Variants in TRAPPC11 observed in about 807,000 individuals in gnomAD.
TRAPPC11 encodes trafficking protein particle complex subunit 11.
In TRAPPC11, 104 loss-of-function variants were observed where a neutral mutation model predicts 151.2. The observed-to-expected ratio is 0.69, with a 90% CI of 0.59 to 0.81. The LOEUF is 0.81. Among genes scored for constraint, TRAPPC11 ranks in the 30% least tolerant of loss-of-function variants. TRAPPC11 has a pLI of 0.00. For missense variants in TRAPPC11, 1,230 were observed against 1,349.6 expected (o/e 0.91, Z 1.39); for synonymous variants, 456 against 472.3 (o/e 0.97, Z 0.45).
At chr4:183,701,510 T>C in intron 25 of TRAPPC11, 187 bp from the exon 26 acceptor site, 3 of 526,858 alleles carry the variant, frequency 5.7e-6, no homozygotes, top group Non-Finnish European at 1.0e-5. Flanking sequence ...TATTGGTACA[T>C]TAGCAAAAAC....
chr4:183,693,194 C>A lies in TRAPPC11; in HGVS notation c.2237+47C>A, dbSNP rs764508569. On this transcript the variant is annotated intron_variant, in intron 20 of 29. Transcript: ENST00000334690. ...GATATTAAAGGTCATCCTCTTATTT[C>A]TTTTGCTATTTTTTTTGGAGACAGA... The A allele has an allele frequency of 6.6e-6, 10 of 1,507,914 alleles. 1 individual carries two copies. The highest frequency in any genetic ancestry group is 6.5e-5 in the Admixed American group (3 of 46,056). The allele number at this position is 1,507,914 out of a possible 1,614,324, so 93.4% of individuals were successfully genotyped here. A position where few individuals can be genotyped will look rare whatever the true frequency, so the allele number is the denominator to read the frequency against.
Position 183,663,827 on chromosome 4 carries a change from T to C in TRAPPC11, c.-21-20T>C. 6.6e-7 allele frequency: 1 copy of C among 1,504,654 alleles called. No individual in the cohort carries two copies. The highest frequency in any genetic ancestry group is 9.2e-7 in the Non-Finnish European group (1 of 1,084,144). 93.2% of individuals were successfully genotyped at this position (1,504,654 alleles called of 1,614,324 possible). Reference sequence around the variant, plus strand: ...AGTTTTTAAAAATTAATTATGAATGTATTAACATTTGTATTTCAGGTTTTT... The same window carrying C: ...AGTTTTTAAAAATTAATTATGAATGCATTAACATTTGTATTTCAGGTTTTT... On this transcript the variant is annotated intron_variant, in intron 1 of 29. Transcript: ENST00000334690.
At chr4:183,677,266 C>T (rs1735461054) in intron 7 of TRAPPC11, among the ~76,000 whole-genome samples, 192 bp from the exon 8 acceptor site, 1 of 152,116 alleles carries the variant, frequency 6.6e-6, no homozygotes, top group Non-Finnish European at 1.5e-5. Context: ...TGGTTCTGTT[C>T]TTTATGAAAT....
At chr4:183,692,132 G>A (rs1736289796) in intron 19 of TRAPPC11, among the ~76,000 whole-genome samples, 1 of 152,080 alleles carries the variant, frequency 6.6e-6, no homozygotes, top group Non-Finnish European at 1.5e-5. Context: ...GATCATAAGA[G>A]TACTAATCTC....
intron 1 of TRAPPC11, among the ~76,000 whole-genome samples, chr4:183,661,924 G>A (rs955650592): frequency 1.3e-5 from 2 of 151,596 alleles, no homozygotes; most frequent in Admixed American, 6.6e-5. Context: ...ACCATGCCCG[G>A]CTATTTTCTT....
chr4:183,707,645 C>T (rs1367539722), intron 28 of TRAPPC11, among the ~76,000 whole-genome samples: 1 of 152,184 alleles, frequency 6.6e-6, no homozygotes, highest in African/African-American at 2.4e-5. Flanking sequence ...TCTATCCTGA[C>T]TAATTAACTG....
intron 9 of TRAPPC11, among the ~76,000 whole-genome samples, chr4:183,679,768 C>T (rs539108366): frequency 6.6e-6 from 1 of 152,210 alleles, no homozygotes; most frequent in African/African-American, 2.4e-5. Flanking sequence ...AAACAAAATT[C>T]CTGCTGTCAT....
chr4:183,667,330 G>C (rs1734934594), intron 4 of TRAPPC11, among the ~76,000 whole-genome samples, 200 bp downstream of exon 4: 1 of 152,140 alleles, frequency 6.6e-6, no homozygotes, highest in Non-Finnish European at 1.5e-5. Flanking sequence ...CAAATCTCAA[G>C]TTCCCCTAGT....
intron 7 of TRAPPC11, among the ~76,000 whole-genome samples, chr4:183,676,212 C>T (rs574931227): frequency 3.3e-5 from 5 of 151,808 alleles, no homozygotes; most frequent in Admixed American, 6.6e-5. Flanking sequence ...TGCAGTGGCG[C>T]GATCTCGGCT....
chr4:183,703,603 G>T (rs1358044962), intron 26 of TRAPPC11, among the ~76,000 whole-genome samples: 2 of 152,180 alleles, frequency 1.3e-5, no homozygotes, highest in Admixed American at 1.3e-4. Context: ...GGGCACAGTG[G>T]CTCACACCTG....
chr4:183,665,152 T>G (rs1432232003), intron 2 of TRAPPC11, among the ~76,000 whole-genome samples: 2 of 146,214 alleles, frequency 1.4e-5, no homozygotes, highest in Admixed American at 7.2e-5. Context: ...TGGAGTGCTG[T>G]GGCGCGATAT....
At chr4:183,677,597 A>T (rs1428451681) in intron 8 of TRAPPC11, 43 bp downstream of exon 8, 1 of 1,083,452 alleles carries the variant, frequency 9.2e-7, no homozygotes, top group African/African-American at 1.6e-5. Flanking sequence ...GTGTTTCAAT[A>T]TTAAATTATC....
At chr4:183,692,928 G>T in intron 19 of TRAPPC11, 32 bp from the exon 20 acceptor site, 1 of 1,577,266 alleles carries the variant, frequency 6.3e-7, no homozygotes, top group Non-Finnish European at 8.6e-7. Context: ...CATATGAGAT[G>T]ACATTTCCAA....
intron 25 of TRAPPC11, chr4:183,701,455 T>C: frequency 2.5e-6 from 1 of 392,424 alleles, no homozygotes; most frequent in Non-Finnish European, 4.6e-6. Context: ...CATAGGACTT[T>C]CTTGCAGATA....
chr4:183,707,115 C>G (rs948400080), intron 28 of TRAPPC11, among the ~76,000 whole-genome samples, 175 bp downstream of exon 28: 9 of 152,100 alleles, frequency 5.9e-5, no homozygotes, highest in African/African-American at 2.2e-4. Context: ...GTGGGTTACC[C>G]TTGTCACATC....
At chr4:183,705,435 T>C (rs1413594367) in intron 27 of TRAPPC11, among the ~76,000 whole-genome samples, 3 of 152,234 alleles carry the variant, frequency 2.0e-5, no homozygotes, top group Admixed American at 2.0e-4. Context: ...TTTCAGTTTA[T>C]TTTGAGGACT....
At position 183,694,621 on chromosome 4, in the gene TRAPPC11, T is replaced by C. The variant is rs974557013; in HGVS notation, c.2526T>C (p.Tyr842=). The part of the protein sequence containing the change: ...HPGEQLEKML[Y]VRCGTVGSRM... ...TGTTACAGCTGGAAAAAATGTTGTA[T>C]GTTCGCTGTGGAACAGTGGGTTCCA... The change falls in exon 23 of 30, where the codon TAT becomes TAC. Residue 842 remains tyrosine (Y), a synonymous_variant. Transcript: ENST00000334690. 6.2e-7 allele frequency: 1 copy of C among 1,613,034 alleles called. No homozygotes were observed. The highest frequency in any genetic ancestry group is 8.5e-7 in the Non-Finnish European group (1 of 1,179,408).
chr4:183,666,228 A>G (rs749736957), intron 2 of TRAPPC11, 29 bp from the exon 3 acceptor site: 1 of 1,600,294 alleles, frequency 6.2e-7, no homozygotes, highest in Non-Finnish European at 8.5e-7. Context: ...CCTGTCAGGT[A>G]ACTTTTCAAT....
At chr4:183,694,097 T>C in intron 22 of TRAPPC11, 59 bp downstream of exon 22, 1 of 1,580,324 alleles carries the variant, frequency 6.3e-7, no homozygotes. Flanking sequence ...TTTAAATATA[T>C]AGTGAGTTTT....
Sources: allele counts gnomAD v4.1 joint callset (sites outside exome capture counted in the v4.1 genomes callset), GRCh38; gene constraint gnomAD v4.1.1; transcripts MANE v1.5; gene names NCBI Gene and HGNC (gene_info 2026-07-23, HGNC 2026-07-21).